The following EIPR1 variants were observed in gnomAD, a reference collection of about 807,000 sequenced individuals.
EIPR1 encodes the protein EARP and GARP complex-interacting protein 1.
EIPR1 carries 25 observed loss-of-function variants against 48.1 expected under a neutral mutation model. The ratio of observed to expected loss-of-function variants is 0.52; its 90% CI spans 0.38 to 0.73. The LOEUF is 0.73. EIPR1 is among the 30% of genes least tolerant of loss of function. The pLI, the probability that EIPR1 is intolerant of heterozygous loss-of-function variation, is 0.00. For synonymous variants in EIPR1, 204 were observed against 201.9 expected, an observed-to-expected ratio of 1.01 and a Z score of -0.09; for missense variants, 415 against 506.2, an observed-to-expected ratio of 0.82 and a Z score of 1.73.
At chr2:3,263,687 C>T (rs984945626) in intron 3 of EIPR1, among the ~76,000 whole-genome samples, 3 of 150,850 alleles carry the variant, frequency 2.0e-5, no homozygotes, top group African/African-American at 4.9e-5. Flanking sequence ...CTCCCCAGGA[C>T]GCGGCACGGT....
intron 5 of EIPR1, among the ~76,000 whole-genome samples, chr2:3,213,927 T>C (rs753271279): frequency 8.5e-5 from 13 of 152,198 alleles, no homozygotes; most frequent in Non-Finnish European, 1.0e-4. Context: ...TGTATACATG[T>C]GCCGTGTTGG....
chr2:3,328,232 T>C (rs1305599633), intron 3 of EIPR1, among the ~76,000 whole-genome samples: 1 of 152,190 alleles, frequency 6.6e-6, no homozygotes, highest in African/African-American at 2.4e-5. Flanking sequence ...TGCCTCACAC[T>C]GAGAGATCCC....
chr2:3,232,384 T>C (rs951024508), intron 4 of EIPR1, among the ~76,000 whole-genome samples: 1 of 152,214 alleles, frequency 6.6e-6, no homozygotes, highest in African/African-American at 2.4e-5. Flanking sequence ...CCCTGATGTA[T>C]AAAGTTGAGT....
At chr2:3,242,889 A>G (rs574496898) in intron 4 of EIPR1, among the ~76,000 whole-genome samples, 67 of 152,310 alleles carry the variant, frequency 4.4e-4, no homozygotes, top group African/African-American at 1.5e-3. Flanking sequence ...ACAGCTTTCC[A>G]CACGTGCAAG....
chr2:3,210,718 C>T (rs1221593035), intron 5 of EIPR1, among the ~76,000 whole-genome samples: 3 of 150,822 alleles, frequency 2.0e-5, no homozygotes, highest in Non-Finnish European at 2.9e-5. Context: ...CAACCTCCAC[C>T]TCCCAGGTTC....
intron 3 of EIPR1, among the ~76,000 whole-genome samples, chr2:3,311,810 G>C (rs184389955): frequency 2.0e-5 from 3 of 151,842 alleles, no homozygotes; most frequent in African/African-American, 7.3e-5. Flanking sequence ...GGTGCTGGGC[G>C]GGGGGGCTCT....
At chr2:3,376,732 A>G (rs1388426613) in intron 1 of EIPR1, among the ~76,000 whole-genome samples, 1 of 151,804 alleles carries the variant, frequency 6.6e-6, no homozygotes, top group East Asian at 1.9e-4. Flanking sequence ...TATCTTTAAC[A>G]CATACTGCTG....
At chr2:3,277,483 C>A (rs1372887101) in intron 3 of EIPR1, among the ~76,000 whole-genome samples, 2 of 152,200 alleles carry the variant, frequency 1.3e-5, no homozygotes, top group African/African-American at 4.8e-5. Flanking sequence ...GGTGGCAAGA[C>A]CATTCTGCAA....
intron 3 of EIPR1, among the ~76,000 whole-genome samples, chr2:3,293,312 T>C (rs568117207): frequency 6.6e-6 from 1 of 152,172 alleles, no homozygotes; most frequent in South Asian, 2.1e-4. Flanking sequence ...CAGTGGCTCC[T>C]CCAGGAGGCC....
At chr2:3,373,784 G>A (rs1051884451) in intron 1 of EIPR1, among the ~76,000 whole-genome samples, 7 of 151,544 alleles carry the variant, frequency 4.6e-5, no homozygotes, top group African/African-American at 7.2e-5. Context: ...AATCAATATC[G>A]TGAAAATGGC....
At chr2:3,245,725 T>C (rs562120076) in intron 4 of EIPR1, among the ~76,000 whole-genome samples, 5 of 152,214 alleles carry the variant, frequency 3.3e-5, no homozygotes, top group Non-Finnish European at 5.9e-5. Flanking sequence ...TAAGCGCATC[T>C]AGGCTGGCTA....
At chr2:3,259,613 T>C (rs1162340246) in intron 3 of EIPR1, among the ~76,000 whole-genome samples, 3 of 150,536 alleles carry the variant, frequency 2.0e-5, no homozygotes, top group African/African-American at 4.9e-5. Flanking sequence ...TCCAAGAAAA[T>C]ATAGATAAGA....
At chr2:3,236,808 T>C (rs1198067004) in intron 4 of EIPR1, among the ~76,000 whole-genome samples, 1 of 152,092 alleles carries the variant, frequency 6.6e-6, no homozygotes, top group African/African-American at 2.4e-5. Flanking sequence ...AAGCTATAAA[T>C]GGCAGAGCTG....
chr2:3,215,503 A>G (rs1014966979), intron 4 of EIPR1, among the ~76,000 whole-genome samples: 23 of 152,218 alleles, frequency 1.5e-4, no homozygotes, highest in African/African-American at 5.3e-4. Context: ...CAGTTACTCA[A>G]CAAAGACCAA....
At chr2:3,209,671 T>C (rs1179340364) in intron 5 of EIPR1, among the ~76,000 whole-genome samples, 2 of 152,084 alleles carry the variant, frequency 1.3e-5, no homozygotes, top group African/African-American at 4.8e-5. Context: ...TTCCAGACAA[T>C]GGAACATTAC....
rs1668192044 is a variant in EIPR1 at position 3,286,548 on chromosome 2, T to A, written c.260-29093A>T. On this transcript the variant is annotated intron_variant, in intron 3 of 8. Transcript: ENST00000382125. This position sits in a 1 kb window ranked among gnomAD's most constrained non-coding sequence, Gnocchi z 4.2. ...CTGAGGCATCAGGCTTCGGGCTGTG[T>A]CTACCTTGGTGACTCTGGAAGCGTT... Among the ~76,000 whole-genome samples the A allele has an allele frequency of 6.6e-6, 1 of 152,212 alleles. No homozygotes were observed. Among genetic ancestry groups the A allele is most frequent in the Admixed American group, 6.5e-5 (1 of 15,284 alleles).
At chr2:3,234,079 A>G in intron 4 of EIPR1, among the ~76,000 whole-genome samples, 1 of 152,230 alleles carries the variant, frequency 6.6e-6, no homozygotes, top group African/African-American at 2.4e-5. Context: ...AGCAGGCAGC[A>G]GGCTGGATTA....
At chr2:3,328,964 A>T (rs186989700) in intron 3 of EIPR1, among the ~76,000 whole-genome samples, 4 of 45,874 alleles carry the variant, frequency 8.7e-5, no homozygotes, top group Admixed American at 3.8e-4. Context: ...GGCACCAGCC[A>T]GGCTCCCCTG....
intron 3 of EIPR1, among the ~76,000 whole-genome samples, chr2:3,330,784 TAC>T (rs1428473069): frequency 6.8e-6 from 1 of 146,188 alleles, no homozygotes; most frequent in African/African-American, 2.6e-5. Flanking sequence ...CAAGCGCATG[TAC>T]ACTCACGAGA....
Sources: allele counts gnomAD v4.1 joint callset (sites outside exome capture counted in the v4.1 genomes callset), GRCh38; gene constraint gnomAD v4.1.1; non-coding constraint Gnocchi (gnomAD v3.1); transcripts MANE v1.5; gene names NCBI Gene and HGNC (gene_info 2026-07-23, HGNC 2026-07-21).